Variants in HELZ observed in about 807,000 individuals in gnomAD.
The protein encoded by HELZ is helicase with zinc finger.
Under a neutral mutation model 218.2 loss-of-function variants are expected in HELZ, and 23 were observed. That is an observed-to-expected ratio of 0.11 (90% CI 0.08 to 0.15). The LOEUF (loss-of-function observed/expected upper bound fraction) is 0.15, where lower values mean the gene tolerates loss of function less well. HELZ is among the 10% of genes least tolerant of loss of function. HELZ has a pLI of 1.00. For missense variants in HELZ, 1,813 were observed against 2,353.7 expected (o/e 0.77, Z 4.75); for synonymous variants, 814 against 829.4 (o/e 0.98, Z 0.32).
At chr17:67,239,390 A>G (rs779071677) in intron 3 of HELZ, 43 bp downstream of exon 3, 7 of 152,292 alleles carry the variant, frequency 4.6e-5, no homozygotes, top group Non-Finnish European at 7.3e-5. Flanking sequence ...TTCAGGCATT[A>G]TAAAATTCTT....
At chr17:67,111,963 T>A (rs1392604843) in intron 28 of HELZ, among the ~76,000 whole-genome samples, 2 of 152,220 alleles carry the variant, frequency 1.3e-5, no homozygotes, top group Non-Finnish European at 2.9e-5. Flanking sequence ...TAAGTTGCTA[T>A]CTTAATTGTC....
chr17:67,213,904 A>C (rs1392505683), intron 5 of HELZ, among the ~76,000 whole-genome samples: 1 of 152,210 alleles, frequency 6.6e-6, no homozygotes, highest in East Asian at 1.9e-4. Context: ...TATGTAAGAA[A>C]GCAAGGTGCT....
chr17:67,243,528 C>G (rs905129420), intron 2 of HELZ, among the ~76,000 whole-genome samples: 6 of 152,144 alleles, frequency 3.9e-5, no homozygotes, highest in African/African-American at 1.4e-4. Context: ...AGATACTGAT[C>G]AAGAATAGCT....
intron 31 of HELZ, 150 bp from the exon 32 acceptor site, chr17:67,087,231 C>T (rs2036421843): frequency 2.7e-6 from 2 of 734,546 alleles, no homozygotes; most frequent in Admixed American, 2.8e-5. Context: ...CCTACTCCCA[C>T]CAAAAAGAAA....
intron 5 of HELZ, among the ~76,000 whole-genome samples, chr17:67,212,400 T>C (rs917349589): frequency 1.3e-5 from 2 of 149,394 alleles, no homozygotes; most frequent in African/African-American, 4.9e-5. Flanking sequence ...AACTATGAGC[T>C]ATCCATGGCT....
Position 67,193,911 on chromosome 17 carries a change from T to C in HELZ, c.557+56A>G, listed in dbSNP as rs139879813. The C allele has an allele frequency of 7.6e-6, 10 of 1,312,964 alleles. No individual in the cohort carries two copies. In the African/African-American group the frequency reaches 1.3e-4, roughly 17 times the overall value. 81.3% of individuals were successfully genotyped at this position (1,312,964 alleles called of 1,614,324 possible). A position where few individuals can be genotyped will look rare whatever the true frequency, so the allele number is the denominator to read the frequency against. ...TTTTACTCCATTAGATAAGGAAAAT[T>C]ATCTGTCCTTTCAACAAGACATGTC... On this transcript the variant is annotated intron_variant, in intron 9 of 32. Coordinates refer to ENST00000358691, the MANE Select transcript of HELZ (RefSeq NM_014877.4).
At chr17:67,190,387 A>G (rs1238790996) in intron 9 of HELZ, 32 bp from the exon 10 acceptor site, 4 of 1,524,774 alleles carry the variant, frequency 2.6e-6, no homozygotes, top group Non-Finnish European at 3.6e-6. Flanking sequence ...GTTTTATCAT[A>G]TACTTTGTTG....
intron 5 of HELZ, among the ~76,000 whole-genome samples, chr17:67,212,841 T>C (rs2040493612): frequency 6.6e-6 from 1 of 152,194 alleles, no homozygotes; most frequent in Non-Finnish European, 1.5e-5. Context: ...TGACTTAGGA[T>C]AGTATCCCAG....
At position 67,073,641 on chromosome 17, in the gene HELZ, GT is replaced by G. The variant is rs2035947667; in HGVS notation, c.*4610del. On this transcript the variant is annotated 3_prime_UTR_variant, in exon 33 of 33. Transcript: ENST00000358691. The stretch of plus-strand genomic sequence containing the variant: ...CTCCAAAAAATTTTTAGAAACTCTG[GT>G]GACTGTTTCCTTAAACTTCACTCCA... 6.6e-6 allele frequency: 1 copy of G among 151,954 alleles called. No homozygotes were observed. Among genetic ancestry groups the G allele is most frequent in the East Asian group, 1.9e-4 (1 of 5,186 alleles). 9.4% of individuals were successfully genotyped at this position (151,954 alleles called of 1,614,324 possible).
intron 7 of HELZ, 134 bp from the exon 8 acceptor site, chr17:67,195,604 C>A: frequency 1.8e-6 from 1 of 560,180 alleles, no homozygotes; most frequent in Non-Finnish European, 3.2e-6. Flanking sequence ...AATATGTTGC[C>A]AATGATTTTT....
chr17:67,225,261 A>G, intron 3 of HELZ: 1 of 217,104 alleles, frequency 4.6e-6, no homozygotes, highest in Admixed American at 5.4e-5. Context: ...AGATATTAGA[A>G]TTGTTATTAT....
chr17:67,130,774 C>A (rs1190903454), intron 23 of HELZ, among the ~76,000 whole-genome samples: 2 of 152,280 alleles, frequency 1.3e-5, no homozygotes, highest in East Asian at 3.9e-4. Context: ...TCTTTTTAGT[C>A]TAATTGATAA....
intron 5 of HELZ, 78 bp from the exon 6 acceptor site, chr17:67,203,521 T>A: frequency 6.6e-7 from 1 of 1,524,772 alleles, no homozygotes; most frequent in Non-Finnish European, 8.9e-7. Context: ...TAACACACTA[T>A]CACAAGCGTG....
intron 17 of HELZ, among the ~76,000 whole-genome samples, chr17:67,156,783 A>G (rs1469612758): frequency 6.6e-6 from 1 of 152,006 alleles, no homozygotes; most frequent in Admixed American, 6.6e-5. Flanking sequence ...CTGAGCTCCA[A>G]TTAATATTTC....
intron 12 of HELZ, among the ~76,000 whole-genome samples, chr17:67,179,366 A>G (rs1182619844): frequency 6.6e-6 from 1 of 152,224 alleles, no homozygotes; most frequent in African/African-American, 2.4e-5. Flanking sequence ...AAAAGGTTAA[A>G]TCTTTTCTTG....
intron 3 of HELZ, among the ~76,000 whole-genome samples, chr17:67,230,569 C>T (rs1030497278): frequency 3.4e-4 from 47 of 137,454 alleles, no homozygotes; most frequent in Admixed American, 2.7e-3. Context: ...TGTACTCCAG[C>T]CTGGTGGCAG....
intron 13 of HELZ, among the ~76,000 whole-genome samples, chr17:67,170,015 C>T (rs989189757): frequency 6.6e-6 from 1 of 152,228 alleles, no homozygotes; most frequent in South Asian, 2.1e-4. Context: ...CCACATCCCA[C>T]ATCCTGACAC....
At chr17:67,194,559 T>A (rs1009414872) in intron 8 of HELZ, among the ~76,000 whole-genome samples, 1 of 152,188 alleles carries the variant, frequency 6.6e-6, no homozygotes, top group African/African-American at 2.4e-5. Flanking sequence ...AAAATTGAAA[T>A]AAAGTTCAAA....
Position 67,181,206 on chromosome 17 carries a change from G to C in HELZ, c.1163-2280C>G, listed in dbSNP as rs568284208. On this transcript the variant is annotated intron_variant, in intron 12 of 32. Coordinates refer to ENST00000358691, the MANE Select transcript of HELZ (RefSeq NM_014877.4). ...ATTTCACTTTAAAAAAATTAATTCA[G>C]ACTGTGCCTAGATTACTATTATGTT... Among the ~76,000 whole-genome samples, 6 of 152,158 alleles carry C rather than the reference G, an allele frequency of 3.9e-5. No individual in the cohort carries two copies. In the East Asian group the frequency reaches 7.7e-4, roughly 20 times the overall value.
Sources: allele counts gnomAD v4.1 joint callset (sites outside exome capture counted in the v4.1 genomes callset), GRCh38; gene constraint gnomAD v4.1.1; transcripts MANE v1.5; gene names NCBI Gene and HGNC (gene_info 2026-07-23, HGNC 2026-07-21).